The following RBPJ variants were observed in gnomAD, a reference collection of about 807,000 sequenced individuals.
The protein encoded by RBPJ is recombining binding protein suppressor of hairless.
RBPJ carries 9 observed loss-of-function variants against 67.8 expected under a neutral mutation model. The observed-to-expected ratio is 0.13, with a 90% confidence interval of 0.08 to 0.23. RBPJ has a LOEUF of 0.23. RBPJ is among the 10% of genes least tolerant of loss of function. The probability of loss-of-function intolerance (pLI) is 1.00; values close to 1 mark genes in which losing one functional copy is unlikely to be tolerated. For synonymous variants in RBPJ, 198 were observed against 203.3 expected (o/e 0.97, Z 0.22); for missense variants, 305 against 595.6 (o/e 0.51, Z 5.08).
chr4:26,251,597 C>T (rs1206573038), intron 1 of RBPJ, among the ~76,000 whole-genome samples: 1 of 142,156 alleles, frequency 7.0e-6, no homozygotes, highest in Admixed American at 7.1e-5. Context: ...GAAATCATGC[C>T]ACTGCACATG....
At chr4:26,141,510 AT>A in the RBPJ span, among the ~76,000 whole-genome samples, 5 of 152,022 alleles carry the variant, frequency 3.3e-5, no homozygotes, top group Non-Finnish European at 5.9e-5. Context: ...CACAGCATCT[AT>A]TTTTTTTAAC....
At chr4:26,376,589 A>G (rs1729766908) in intron 1 of RBPJ, among the ~76,000 whole-genome samples, 1 of 152,170 alleles carries the variant, frequency 6.6e-6, no homozygotes, top group Non-Finnish European at 1.5e-5. Context: ...GGTACTATGA[A>G]TATTAGTGTA....
intron 1 of RBPJ, among the ~76,000 whole-genome samples, chr4:26,178,829 G>A (rs1401617659): frequency 2.0e-5 from 3 of 151,700 alleles, no homozygotes; most frequent in Non-Finnish European, 4.4e-5. Context: ...AATAATGTTG[G>A]TTTCCAAATT....
chr4:26,143,402 T>C, the RBPJ span, among the ~76,000 whole-genome samples: 56 of 152,200 alleles, frequency 3.7e-4, no homozygotes, highest in African/African-American at 1.4e-3. Context: ...AAGCCAAAGT[T>C]CCTCCAATGA....
At chr4:26,218,707 T>A (rs1718802825) in intron 1 of RBPJ, among the ~76,000 whole-genome samples, 1 of 152,144 alleles carries the variant, frequency 6.6e-6, no homozygotes, top group African/African-American at 2.4e-5. Flanking sequence ...CAGCCTGGTC[T>A]CTGCACACAG....
At chr4:26,148,199 G>A in the RBPJ span, among the ~76,000 whole-genome samples, 1 of 152,220 alleles carries the variant, frequency 6.6e-6, no homozygotes, top group Non-Finnish European at 1.5e-5. Flanking sequence ...CAACTGGCTA[G>A]ATAGTAGTGC....
intron 1 of RBPJ, among the ~76,000 whole-genome samples, chr4:26,163,889 C>T (rs938757081): frequency 1.3e-5 from 2 of 152,248 alleles, no homozygotes; most frequent in Non-Finnish European, 2.9e-5. Flanking sequence ...TGCTTTTCCC[C>T]GTGCCTCCAG....
At chr4:26,251,847 CAAAAAAAAAAAA>C (rs769291407) in intron 1 of RBPJ, among the ~76,000 whole-genome samples, 1,378 of 49,530 alleles carry the variant, frequency 0.028, 24 homozygotes, top group Admixed American at 0.037. Flanking sequence ...GACTCCGTCT[CAAAAAAAAAAAA>C]AAAAAAAAAA....
chr4:26,260,808 T>A (rs1720504951), intron 1 of RBPJ, among the ~76,000 whole-genome samples: 1 of 152,154 alleles, frequency 6.6e-6, no homozygotes, highest in Non-Finnish European at 1.5e-5. Context: ...TCTCCTCTCC[T>A]CTTCCATGAA....
chr4:26,320,487 A>AG, upstream of RBPJ: 1 of 457,390 alleles, frequency 2.2e-6, no homozygotes, highest in Non-Finnish European at 3.9e-6. Context: ...ATTAGCATAA[A>AG]GGAGGCGCCC....
At chr4:26,291,240 G>T (rs557242587) in intron 1 of RBPJ, among the ~76,000 whole-genome samples, 12 of 151,136 alleles carry the variant, frequency 7.9e-5, no homozygotes, top group Non-Finnish European at 1.6e-4. Flanking sequence ...TGGGTTATGG[G>T]TTAACATCTG....
intron 1 of RBPJ, among the ~76,000 whole-genome samples, chr4:26,258,783 A>G (rs921660137): frequency 4.3e-5 from 5 of 115,534 alleles, no homozygotes; most frequent in Non-Finnish European, 9.1e-5. Context: ...CCCTTTAAAC[A>G]TTTTTTTATT....
rs942861000 is a variant in RBPJ at position 26,433,872 on chromosome 4, T to C, written c.*2865T>C. 19 of 152,232 alleles carry C rather than the reference T, an allele frequency of 1.2e-4. No homozygotes were observed. 9.4% of individuals were successfully genotyped at this position (152,232 alleles called of 1,614,324 possible). ...GGCATTATTAGACATGCTGGTCATTTACCCTCAGAAAGACTCTCTTATTAG... is the reference window on the plus strand; with the variant it reads ...GGCATTATTAGACATGCTGGTCATTCACCCTCAGAAAGACTCTCTTATTAG... On this transcript the variant is annotated 3_prime_UTR_variant, in exon 11 of 11. Coordinates refer to ENST00000355476, the MANE Select transcript of RBPJ (RefSeq NM_015874.6).
In RBPJ at chr4:26,431,067, G is replaced by A; in HGVS notation, c.*60G>A. On this transcript the variant is annotated 3_prime_UTR_variant, in exon 11 of 11. Transcript: ENST00000355476. Reference sequence around the variant, plus strand: ...AGTGTGGCAAAAAGTTAACAAAAAAGGAGAAAAAATGAACAATCGTTTGTG... The same window carrying A: ...AGTGTGGCAAAAAGTTAACAAAAAAAGAGAAAAAATGAACAATCGTTTGTG... The A allele has an allele frequency of 1.4e-6, 2 of 1,464,474 alleles. No individual in the cohort carries two copies. Among genetic ancestry groups the A allele is most frequent in the Admixed American group, 3.7e-5 (2 of 53,608 alleles). 90.7% of individuals were successfully genotyped at this position (1,464,474 alleles called of 1,614,324 possible).
rs529855654 is a variant in RBPJ, at chr4:26,216,980, T to A, written c.-167+53366T>A. Among the ~76,000 whole-genome samples, 3 of 152,100 alleles carry A rather than the reference T, an allele frequency of 2.0e-5. No individual in the cohort carries two copies. In the South Asian group the frequency reaches 6.2e-4, roughly 32 times the overall value. ...GTGTGTCTTTGAAAAAAATTACACATGTGCTTTGTGGAGAATGGATGTGAA... is the reference window on the plus strand; with the variant it reads ...GTGTGTCTTTGAAAAAAATTACACAAGTGCTTTGTGGAGAATGGATGTGAA... On this transcript the variant is annotated intron_variant, in intron 1 of 4. Coordinates refer to the RBPJ transcript ENST00000512351.
At chr4:26,328,454 A>T (rs1360581779) in intron 1 of RBPJ, among the ~76,000 whole-genome samples, 1 of 152,192 alleles carries the variant, frequency 6.6e-6, no homozygotes, top group Non-Finnish European at 1.5e-5. Context: ...AGATTATGGT[A>T]AGTGCTGTAA....
intron 1 of RBPJ, among the ~76,000 whole-genome samples, chr4:26,224,069 T>G (rs1434104970): frequency 6.6e-6 from 1 of 152,212 alleles, no homozygotes; most frequent in East Asian, 1.9e-4. Flanking sequence ...TCAATAAATG[T>G]TAATGATTGA....
chr4:26,393,988 C>T (rs893319188), intron 2 of RBPJ, among the ~76,000 whole-genome samples: 5 of 150,892 alleles, frequency 3.3e-5, no homozygotes, highest in African/African-American at 4.9e-5. Flanking sequence ...GATTAAGGCT[C>T]GTTAATAATA....
chr4:26,145,396 G>T, the RBPJ span, among the ~76,000 whole-genome samples: 1 of 152,138 alleles, frequency 6.6e-6, no homozygotes, highest in Non-Finnish European at 1.5e-5. Context: ...TAGATTAAGT[G>T]TCCACAGCCC....
Sources: allele counts gnomAD v4.1 joint callset (sites outside exome capture counted in the v4.1 genomes callset), GRCh38; gene constraint gnomAD v4.1.1; transcripts MANE v1.5; gene names NCBI Gene and HGNC (gene_info 2026-07-23, HGNC 2026-07-21).